KCNH7: variants seen among roughly 807,000 people sequenced by gnomAD.
KCNH7 encodes voltage-gated inwardly rectifying potassium channel KCNH7.
Under a neutral mutation model 120.8 loss-of-function variants are expected in KCNH7, and 49 were observed. That is an observed-to-expected ratio of 0.41 (90% CI 0.32 to 0.51). The LOEUF is 0.51. Ranked by LOEUF, KCNH7 falls within the 20% of genes least tolerant of loss-of-function variation. The pLI, the probability that KCNH7 is intolerant of heterozygous loss-of-function variation, is 0.38. For missense variants in KCNH7, 1,097 were observed against 1,446.6 expected (o/e 0.76, Z 3.92); for synonymous variants, 547 against 516.1 (o/e 1.06, Z -0.81).
intron 6 of KCNH7, among the ~76,000 whole-genome samples, chr2:162,478,847 C>G (rs1392600858): frequency 6.6e-6 from 1 of 152,176 alleles, no homozygotes; most frequent in Non-Finnish European, 1.5e-5. Context: ...TTCTGACCTA[C>G]TTCAGAGTTT....
chr2:162,506,876 G>A (rs1381484078), intron 5 of KCNH7, among the ~76,000 whole-genome samples: 1 of 151,740 alleles, frequency 6.6e-6, no homozygotes, highest in East Asian at 1.9e-4. Flanking sequence ...GGCATTTTTT[G>A]TTGTCACAAT....
chr2:162,814,463 G>C (rs1684847499), intron 2 of KCNH7, among the ~76,000 whole-genome samples: 1 of 152,036 alleles, frequency 6.6e-6, no homozygotes, highest in Non-Finnish European at 1.5e-5. Flanking sequence ...TCAAGTCTTC[G>C]CTTCTACTTC....
Position 162,531,160 on chromosome 2 carries a change from C to T in KCNH7, c.463+5765G>A, listed in dbSNP as rs1168571819. 8.5e-5 allele frequency among the ~76,000 whole-genome samples: 13 copies of T among 152,078 alleles called. 1 individual carries two copies. In the South Asian group the frequency reaches 2.3e-3, roughly 27 times the overall value. On this transcript the variant is annotated intron_variant, in intron 3 of 15. Coordinates refer to ENST00000332142, the MANE Select transcript of KCNH7 (RefSeq NM_033272.4). The stretch of plus-strand genomic sequence containing the variant: ...AAAATAAGAAGCAGAATCTCTACTG[C>T]ATTTGTTGTAACTTGTACATAGGAC...
chr2:162,507,753 A>G (rs371382142), intron 5 of KCNH7, among the ~76,000 whole-genome samples: 1 of 151,518 alleles, frequency 6.6e-6, no homozygotes, highest in Non-Finnish European at 1.5e-5. Context: ...ATACTTCCTT[A>G]TTTTCTCTTC....
chr2:162,726,901 G>A (rs903320628), intron 2 of KCNH7, among the ~76,000 whole-genome samples: 35 of 152,150 alleles, frequency 2.3e-4, no homozygotes, highest in African/African-American at 7.9e-4. Flanking sequence ...ATTTTCCCAA[G>A]GAACACTGAT....
At chr2:162,440,878 G>C (rs1333590136) in intron 7 of KCNH7, among the ~76,000 whole-genome samples, 3 of 152,084 alleles carry the variant, frequency 2.0e-5, no homozygotes, top group African/African-American at 7.2e-5. Flanking sequence ...GTATGCAAAT[G>C]TTACAACAAA....
chr2:162,625,342 CAG>C (rs1352901443), intron 2 of KCNH7, among the ~76,000 whole-genome samples: 2 of 152,156 alleles, frequency 1.3e-5, no homozygotes, highest in African/African-American at 4.8e-5. Flanking sequence ...CCTGGCCTCA[CAG>C]AGTTATTGTG....
intron 2 of KCNH7, among the ~76,000 whole-genome samples, chr2:162,620,535 C>T (rs879692049): frequency 6.6e-6 from 1 of 152,128 alleles, no homozygotes; most frequent in Non-Finnish European, 1.5e-5. Context: ...CTTCTTCCAA[C>T]ATTTCATCCC....
At chr2:162,809,544 G>T (rs917108698) in intron 2 of KCNH7, among the ~76,000 whole-genome samples, 5 of 152,060 alleles carry the variant, frequency 3.3e-5, no homozygotes, top group African/African-American at 1.2e-4. Flanking sequence ...CTATCATTGT[G>T]CATTTTAGTA....
chr2:162,553,764 A>T (rs768227721), intron 2 of KCNH7, among the ~76,000 whole-genome samples: 8 of 152,244 alleles, frequency 5.3e-5, no homozygotes, highest in Non-Finnish European at 1.0e-4. Flanking sequence ...GTCTCAAAAG[A>T]TAATGTGAAT....
chr2:162,676,342 C>T (rs539297732), intron 2 of KCNH7, among the ~76,000 whole-genome samples: 10 of 151,528 alleles, frequency 6.6e-5, no homozygotes, highest in African/African-American at 1.7e-4. Flanking sequence ...ACGGCACCTC[C>T]AAATTTCTGT....
chr2:162,813,114 C>T (rs572358086), intron 2 of KCNH7, among the ~76,000 whole-genome samples: 11 of 152,122 alleles, frequency 7.2e-5, no homozygotes, highest in Non-Finnish European at 1.6e-4. Flanking sequence ...TGTTCAAAGT[C>T]AGATAGAACA....
intron 2 of KCNH7, among the ~76,000 whole-genome samples, chr2:162,828,100 A>G (rs1486743740): frequency 6.6e-6 from 1 of 152,178 alleles, no homozygotes; most frequent in Non-Finnish European, 1.5e-5. Context: ...ACTTTTTAGC[A>G]AACCCAGAAG....
intron 6 of KCNH7, among the ~76,000 whole-genome samples, chr2:162,491,434 GT>G (rs1690304509): frequency 6.6e-6 from 1 of 152,092 alleles, no homozygotes; most frequent in East Asian, 1.9e-4. Context: ...CCTCTCCCTT[GT>G]TTGAGGGGGA....
At chr2:162,761,593 A>G (rs776106065) in intron 2 of KCNH7, among the ~76,000 whole-genome samples, 5 of 152,118 alleles carry the variant, frequency 3.3e-5, no homozygotes, top group African/African-American at 1.2e-4. Flanking sequence ...CAACTCTATC[A>G]TTATACACCA....
intron 6 of KCNH7, among the ~76,000 whole-genome samples, chr2:162,471,941 A>G (rs1689552764): frequency 6.6e-6 from 1 of 152,230 alleles, no homozygotes; most frequent in South Asian, 2.1e-4. Flanking sequence ...CCACACATCT[A>G]CAACCATCTG....
At chr2:162,505,966 A>T (rs1191684291) in intron 5 of KCNH7, among the ~76,000 whole-genome samples, 1 of 151,932 alleles carries the variant, frequency 6.6e-6, no homozygotes, top group Non-Finnish European at 1.5e-5. Flanking sequence ...CATTTTGTTC[A>T]TAGTCACTAT....
intron 2 of KCNH7, among the ~76,000 whole-genome samples, chr2:162,550,383 G>T (rs1183673829): frequency 1.3e-5 from 2 of 152,056 alleles, no homozygotes; most frequent in Non-Finnish European, 1.5e-5. Flanking sequence ...CTTCTTGTTG[G>T]GTTTCAAGCA....
intron 13 of KCNH7, 131 bp downstream of exon 13, chr2:162,384,557 G>A (rs1686518573): frequency 3.3e-6 from 3 of 897,896 alleles, no homozygotes; most frequent in Non-Finnish European, 5.1e-6. Context: ...AAATCTGAAC[G>A]CTTCGCGAAC....
Sources: allele counts gnomAD v4.1 joint callset (sites outside exome capture counted in the v4.1 genomes callset), GRCh38; gene constraint gnomAD v4.1.1; transcripts MANE v1.5; gene names NCBI Gene and HGNC (gene_info 2026-07-23, HGNC 2026-07-21).